The following AGPAT3 variants were observed in gnomAD, a reference collection of about 807,000 sequenced individuals.
The protein encoded by AGPAT3 is 1-acyl-sn-glycerol-3-phosphate acyltransferase gamma.
AGPAT3 carries 5 observed loss-of-function variants against 47.3 expected under a neutral mutation model. That is an observed-to-expected ratio of 0.11 (90% CI 0.06 to 0.22). The LOEUF (loss-of-function observed/expected upper bound fraction) is 0.22, where lower values mean the gene tolerates loss of function less well. AGPAT3 is among the 10% of genes least tolerant of loss of function. AGPAT3 has a pLI of 1.00. For missense variants in AGPAT3, 315 were observed against 493.0 expected (o/e 0.64, Z 3.42); for synonymous variants, 212 against 208.3 (o/e 1.02, Z -0.15).
In AGPAT3 at chr21:43,930,233, G is replaced by A. The variant is rs989238109; in HGVS notation, c.-49+26214G>A. Among the ~76,000 whole-genome samples the A allele has an allele frequency of 1.3e-5, 2 of 152,180 alleles. No individual in the cohort carries two copies. Among genetic ancestry groups the A allele is most frequent in the African/African-American group, 2.4e-5 (1 of 41,456 alleles). On this transcript the variant is annotated intron_variant, in intron 2 of 9. Transcript: ENST00000291572. The surrounding 1 kb of genome is among the most constrained non-coding windows in gnomAD (Gnocchi z 5.0). ...GCCCCCGGGGACACAGTTGTGGGAG[G>A]TCTCAGGGCAGAGACGCCGCACGGT...
At chr21:43,901,465 A>G (rs1239735258) in intron 1 of AGPAT3, among the ~76,000 whole-genome samples, 2 of 152,080 alleles carry the variant, frequency 1.3e-5, no homozygotes, top group East Asian at 3.8e-4. Flanking sequence ...TGATAAAAAT[A>G]AAGAAAAAAA....
At chr21:43,977,984 C>G in intron 7 of AGPAT3, 62 bp from the exon 8 acceptor site, 3 of 1,405,060 alleles carry the variant, frequency 2.1e-6, no homozygotes, top group Non-Finnish European at 3.0e-6. Flanking sequence ...TCCCCTGTGC[C>G]CTCTTTCTAG....
intron 2 of AGPAT3, among the ~76,000 whole-genome samples, chr21:43,904,678 C>T (rs1464014629): frequency 6.6e-6 from 1 of 152,136 alleles, no homozygotes; most frequent in African/African-American, 2.4e-5. Context: ...TGTGCTCCTG[C>T]AGCCCGTCGT....
intron 2 of AGPAT3, among the ~76,000 whole-genome samples, chr21:43,957,872 G>T (rs1235828315): frequency 1.3e-5 from 2 of 152,250 alleles, no homozygotes; most frequent in Non-Finnish European, 2.9e-5. Context: ...TAGGAGTGCT[G>T]CCAAGAGTGG....
chr21:43,941,300 C>T (rs945970034), intron 2 of AGPAT3, among the ~76,000 whole-genome samples: 6 of 152,186 alleles, frequency 3.9e-5, no homozygotes, highest in African/African-American at 7.2e-5. Flanking sequence ...CCGATTAATG[C>T]ACTTCCATTG....
Position 43,965,604 on chromosome 21 carries a change from G to GTTT in AGPAT3, c.179-2336_179-2334dup, listed in dbSNP as rs111294513. On this transcript the variant is annotated intron_variant, in intron 3 of 9. Coordinates refer to ENST00000291572, the MANE Select transcript of AGPAT3 (RefSeq NM_020132.5). ...GTTACTATTATTGGGTGAATTTTAG[G>GTTT]TTTTTTTTGTTGTTGTTGTTGTTTT... is the stretch of plus-strand genomic sequence containing the variant. 1,189 of 152,136 alleles carry GTTT rather than the reference G, an allele frequency of 7.8e-3. 6 individuals are homozygous for GTTT. Among genetic ancestry groups the GTTT allele is most frequent in the Middle Eastern group, 0.017 (5 of 292 alleles). The allele number at this position is 152,136 out of a possible 1,614,324, so 9.4% of individuals were successfully genotyped here. A position where few individuals can be genotyped will look rare whatever the true frequency, so the allele number is the denominator to read the frequency against.
chr21:43,935,779 A>G (rs2087425561), intron 2 of AGPAT3, among the ~76,000 whole-genome samples: 1 of 152,078 alleles, frequency 6.6e-6, no homozygotes, highest in Non-Finnish European at 1.5e-5. Flanking sequence ...ACCTGGCTTC[A>G]TCATCACAGG....
At chr21:43,947,026 G>A (rs2146434491) in intron 2 of AGPAT3, 1 of 152,428 alleles carries the variant, frequency 6.6e-6, no homozygotes, top group South Asian at 2.1e-4. Flanking sequence ...CAGCACCCCA[G>A]AGGAGACAAA....
intron 2 of AGPAT3, among the ~76,000 whole-genome samples, chr21:43,942,783 C>T (rs964876138): frequency 6.6e-5 from 10 of 152,154 alleles, no homozygotes; most frequent in African/African-American, 2.2e-4. Context: ...TTGTCTTTAG[C>T]CCCCTTCGGT....
chr21:43,907,178 A>T lies in AGPAT3; in HGVS notation c.-49+3159A>T, dbSNP rs529563419. Among the ~76,000 whole-genome samples, 9 of 151,952 alleles carry T rather than the reference A, an allele frequency of 5.9e-5. No individual in the cohort carries two copies. The South Asian group carries it at 1.9e-3, about 32-fold the overall frequency. On this transcript the variant is annotated intron_variant, in intron 2 of 9. Coordinates refer to ENST00000291572, the MANE Select transcript of AGPAT3 (RefSeq NM_020132.5). ...CCTCCCGGTAGCTGGGACCACGGGC[A>T]TGGGCCACCACACGCGGCTTTTTTA...
chr21:43,963,420 CAAG>C (rs1348783328), intron 3 of AGPAT3, among the ~76,000 whole-genome samples: 2 of 152,106 alleles, frequency 1.3e-5, no homozygotes, highest in African/African-American at 2.4e-5. Flanking sequence ...CCATCAGAGA[CAAG>C]GAGGAGCCGG....
chr21:43,898,184 A>T (rs910499968), intron 1 of AGPAT3, among the ~76,000 whole-genome samples: 2 of 152,200 alleles, frequency 1.3e-5, no homozygotes, highest in Non-Finnish European at 2.9e-5. Context: ...CAACTAAAAA[A>T]ATTTAACTGG....
chr21:43,902,845 A>T (rs949485865), intron 1 of AGPAT3, among the ~76,000 whole-genome samples: 10 of 152,198 alleles, frequency 6.6e-5, no homozygotes, highest in African/African-American at 2.4e-4. Flanking sequence ...CAAAAAATTT[A>T]AAAAATTATC....
At chr21:43,938,316 CTTTTTT>C (rs57776186) in intron 2 of AGPAT3, among the ~76,000 whole-genome samples, 1 of 70,528 alleles carries the variant, frequency 1.4e-5, no homozygotes, top group Non-Finnish European at 2.6e-5. Context: ...ATCTGCAAAT[CTTTTTT>C]TTTTTTTTTT....
chr21:43,928,883 A>G (rs1283592716), intron 2 of AGPAT3, among the ~76,000 whole-genome samples: 1 of 152,130 alleles, frequency 6.6e-6, no homozygotes, highest in Non-Finnish European at 1.5e-5. Context: ...TTTTTGCCCT[A>G]CGGAGTTTGT....
intron 1 of AGPAT3, chr21:43,882,587 C>G (rs950659028): frequency 1.3e-5 from 2 of 152,264 alleles, no homozygotes; most frequent in African/African-American, 4.8e-5. Context: ...CAGTTGGAGT[C>G]AGATGTGAGC....
intron 2 of AGPAT3, among the ~76,000 whole-genome samples, chr21:43,918,033 G>A (rs1388428055): frequency 8.2e-6 from 1 of 121,944 alleles, no homozygotes; most frequent in Non-Finnish European, 1.9e-5. Flanking sequence ...TGTTGTAGGG[G>A]TTGTTGGTGT....
intron 1 of AGPAT3, among the ~76,000 whole-genome samples, chr21:43,884,491 G>A (rs574242027): frequency 7.9e-5 from 12 of 152,270 alleles, no homozygotes; most frequent in African/African-American, 2.4e-4. Context: ...CTGTGGTCTC[G>A]CCCAGCTGGC....
chr21:43,951,178 G>C (rs557578209), intron 2 of AGPAT3, among the ~76,000 whole-genome samples: 4 of 152,168 alleles, frequency 2.6e-5, no homozygotes, highest in Admixed American at 6.5e-5. Flanking sequence ...GGTCTGCTCG[G>C]CCCACTACAC....
Sources: allele counts gnomAD v4.1 joint callset (sites outside exome capture counted in the v4.1 genomes callset), GRCh38; gene constraint gnomAD v4.1.1; non-coding constraint Gnocchi (gnomAD v3.1); transcripts MANE v1.5; gene names NCBI Gene and HGNC (gene_info 2026-07-23, HGNC 2026-07-21).